Variants in DACH2 observed in about 807,000 individuals in gnomAD.
The protein encoded by DACH2 is dachshund homolog 2.
Under a neutral mutation model 35.8 loss-of-function variants are expected in DACH2, and 17 were observed. The observed-to-expected ratio is 0.48, with a 90% confidence interval of 0.33 to 0.71. The LOEUF (loss-of-function observed/expected upper bound fraction) is 0.71, where lower values mean the gene tolerates loss of function less well. Ranked by LOEUF, DACH2 falls within the 30% of genes least tolerant of loss-of-function variation. The pLI, the probability that DACH2 is intolerant of heterozygous loss-of-function variation, is 0.02. For synonymous variants in DACH2, 195 were observed against 177.3 expected (o/e 1.10, Z -0.79); for missense variants, 469 against 472.7 (o/e 0.99, Z 0.07).
chrX:86,536,164 A>G (rs1406927033), intron 3 of DACH2, among the ~76,000 whole-genome samples: 1 of 110,700 alleles, frequency 9.0e-6, no homozygotes, highest in Non-Finnish European at 1.9e-5. Context: ...TGGGAAGAAA[A>G]CACATGCACA....
At chrX:86,450,686 C>T (rs2037360020) in intron 2 of DACH2, among the ~76,000 whole-genome samples, 1 of 110,025 alleles carries the variant, frequency 9.1e-6, no homozygotes, top group Admixed American at 9.7e-5. Flanking sequence ...ACGCTCCCAC[C>T]ACAGTATAAA....
At chrX:86,599,951 G>A (rs960966795) in intron 3 of DACH2, among the ~76,000 whole-genome samples, 1 of 111,601 alleles carries the variant, frequency 9.0e-6, no homozygotes, top group Non-Finnish European at 1.9e-5. Context: ...GGTGGAGTGA[G>A]TGAGCTCCAA....
intron 1 of DACH2, among the ~76,000 whole-genome samples, chrX:86,339,124 T>A (rs1261019713): frequency 8.9e-6 from 1 of 111,801 alleles, no homozygotes; most frequent in Non-Finnish European, 1.9e-5. Flanking sequence ...CACAGCTGAA[T>A]TCTACCAGAG....
chrX:86,818,127 G>T (rs1055991053), intron 11 of DACH2, among the ~76,000 whole-genome samples: 179 of 111,472 alleles, frequency 1.6e-3, no homozygotes, highest in African/African-American at 5.5e-3. Context: ...ATTAAATAAG[G>T]TTCCACATAA....
chrX:86,545,959 A>G (rs1264658900), intron 3 of DACH2, among the ~76,000 whole-genome samples: 1 of 112,150 alleles, frequency 8.9e-6, no homozygotes. Context: ...ATTTTCATTT[A>G]TTACTATAGA....
chrX:86,174,169 C>T (rs1262138812), intron 1 of DACH2, among the ~76,000 whole-genome samples: 1 of 96,164 alleles, frequency 1.0e-5, no homozygotes, highest in African/African-American at 4.0e-5. Flanking sequence ...GTCATCCAGG[C>T]TGGAGTGCAG....
In DACH2 at chrX:86,338,412, C is replaced by T. The variant is rs773696657; in HGVS notation, c.489-38412C>T. ...TTAGAACTCAGGATTAAGAAGCTTACTCAAAACTGCACAACTACATGGAAA... is the reference window on the plus strand; with the variant it reads ...TTAGAACTCAGGATTAAGAAGCTTATTCAAAACTGCACAACTACATGGAAA... On this transcript the variant is annotated intron_variant, in intron 1 of 11. Transcript: ENST00000373125. Among the ~76,000 whole-genome samples, 5 of 111,887 alleles carry T rather than the reference C, an allele frequency of 4.5e-5. No homozygotes were observed. In the South Asian group the frequency reaches 1.5e-3, roughly 33 times the overall value.
At chrX:86,429,574 T>TTTTCTTTTCTTTTCTTTTCTTTTC (rs2036952565) in intron 2 of DACH2, among the ~76,000 whole-genome samples, 1 of 69,856 alleles carries the variant, frequency 1.4e-5, no homozygotes, top group African/African-American at 7.1e-5. Flanking sequence ...CTTTTCTTTT[T>TTTTCTTTTCTTTTCTTTTCTTTTC]TTTCTTGAGA....
chrX:86,453,685 T>G, intron 2 of DACH2, among the ~76,000 whole-genome samples: 1 of 111,828 alleles, frequency 8.9e-6, no homozygotes, highest in East Asian at 2.8e-4. Flanking sequence ...TTTATTTCTT[T>G]ATTTTGAGCC....
intron 3 of DACH2, among the ~76,000 whole-genome samples, chrX:86,631,916 G>A (rs1394368117): frequency 9.0e-6 from 1 of 110,691 alleles, no homozygotes; most frequent in African/African-American, 3.3e-5. Flanking sequence ...TGAGAAAGGA[G>A]TACAGGATAA....
At chrX:86,609,850 G>C (rs1182466910) in intron 3 of DACH2, among the ~76,000 whole-genome samples, 1 of 111,246 alleles carries the variant, frequency 9.0e-6, no homozygotes, top group Admixed American at 9.6e-5. Context: ...CCTATTACTG[G>C]GGGTGGAGTG....
At chrX:86,822,757 T>C (rs1249270518) in intron 11 of DACH2, among the ~76,000 whole-genome samples, 1 of 111,664 alleles carries the variant, frequency 9.0e-6, no homozygotes, top group Non-Finnish European at 1.9e-5. Flanking sequence ...TAATCACCTC[T>C]GTTTTTAAAA....
At chrX:86,542,138 C>T (rs147552034) in intron 3 of DACH2, among the ~76,000 whole-genome samples, 97 of 111,152 alleles carry the variant, frequency 8.7e-4, no homozygotes, top group Non-Finnish European at 1.3e-3. Flanking sequence ...CATTTCTCTG[C>T]GTGTTTGCTT....
intron 2 of DACH2, among the ~76,000 whole-genome samples, chrX:86,466,143 T>G (rs1304703207): frequency 4.5e-5 from 5 of 111,596 alleles, no homozygotes; most frequent in Non-Finnish European, 9.4e-5. Flanking sequence ...AAGGTACTTC[T>G]TACATGGTGG....
chrX:86,522,759 C>A, intron 3 of DACH2, among the ~76,000 whole-genome samples: 1 of 111,666 alleles, frequency 9.0e-6, no homozygotes, highest in Non-Finnish European at 1.9e-5. Context: ...CCCAATAGCT[C>A]ATTCTGATAT....
intron 2 of DACH2, among the ~76,000 whole-genome samples, chrX:86,456,311 A>T (rs967009479): frequency 8.9e-6 from 1 of 112,018 alleles, no homozygotes; most frequent in Non-Finnish European, 1.9e-5. Flanking sequence ...TTAACTGAAC[A>T]TTTTTTTATC....
intron 2 of DACH2, among the ~76,000 whole-genome samples, chrX:86,385,586 A>G (rs2036111232): frequency 9.0e-6 from 1 of 111,679 alleles, no homozygotes; most frequent in Non-Finnish European, 1.9e-5. Flanking sequence ...TTAAATGCAA[A>G]TACTATGTCA....
chrX:86,541,881 A>G (rs1352467159), intron 3 of DACH2, among the ~76,000 whole-genome samples: 1 of 111,521 alleles, frequency 9.0e-6, no homozygotes, highest in Admixed American at 9.6e-5. Context: ...TCATCCAAGG[A>G]GTTCTAACTC....
At chrX:86,610,452 C>G (rs1490325917) in intron 3 of DACH2, among the ~76,000 whole-genome samples, 1 of 77,622 alleles carries the variant, frequency 1.3e-5, no homozygotes, top group African/African-American at 4.8e-5. Context: ...CTTTCTTTTT[C>G]TTTCGACAGG....
Sources: gnomAD v4.1 joint callset for allele counts (sites outside exome capture counted in the v4.1 genomes callset) on GRCh38, gnomAD v4.1.1 for gene constraint, MANE v1.5 for transcripts, NCBI Gene and HGNC (gene_info 2026-07-23, HGNC 2026-07-21) for gene names.